FAR2: variants seen among roughly 807,000 people sequenced by gnomAD.
FAR2 encodes fatty acyl-CoA reductase 2.
In FAR2, 19 loss-of-function variants were observed where a neutral mutation model predicts 56.0. The ratio of observed to expected loss-of-function variants is 0.34; its 90% CI spans 0.24 to 0.50. FAR2 has a LOEUF of 0.50. FAR2 is among the 20% of genes least tolerant of loss of function. FAR2 has a pLI of 0.98. For missense variants in FAR2, 508 were observed against 642.2 expected (o/e 0.79, Z 2.26); for synonymous variants, 219 against 218.8 (o/e 1.00, Z -0.01).
At chr12:29,327,373 AG>A (rs1348385063) in intron 10 of FAR2, among the ~76,000 whole-genome samples, 1 of 151,982 alleles carries the variant, frequency 6.6e-6, no homozygotes, top group Admixed American at 6.6e-5. Context: ...AAGCTACCAA[AG>A]ACTTTCTTCA....
intron 1 of FAR2, among the ~76,000 whole-genome samples, chr12:29,170,902 T>C (rs927375329): frequency 6.6e-6 from 1 of 152,250 alleles, no homozygotes; most frequent in Non-Finnish European, 1.5e-5. Flanking sequence ...TCCTTGGGTT[T>C]TTGCACTGCG....
intron 4 of FAR2, among the ~76,000 whole-genome samples, chr12:29,301,242 G>A (rs763878391): frequency 6.6e-6 from 1 of 152,162 alleles, no homozygotes; most frequent in African/African-American, 2.4e-5. Flanking sequence ...AAGCCTGGCC[G>A]TTAATCAGTG....
chr12:29,161,848 T>C (rs916681226), intron 1 of FAR2, among the ~76,000 whole-genome samples: 3 of 152,176 alleles, frequency 2.0e-5, no homozygotes, highest in Admixed American at 2.0e-4. Context: ...TGAGGCATGG[T>C]AGTTTTATTT....
chr12:29,237,225 G>A (rs958412320), intron 1 of FAR2, among the ~76,000 whole-genome samples: 14 of 152,008 alleles, frequency 9.2e-5, no homozygotes, highest in Non-Finnish European at 1.5e-4. Flanking sequence ...TGTGGTCCGC[G>A]GACTTTTGGA....
intron 10 of FAR2, chr12:29,331,684 T>C (rs983800623): frequency 9.2e-5 from 14 of 152,188 alleles, no homozygotes; most frequent in African/African-American, 3.4e-4. Context: ...GATCCCTGGA[T>C]GGCTCAAGAA....
chr12:29,226,454 C>G (rs1947770022), intron 1 of FAR2, among the ~76,000 whole-genome samples: 1 of 152,102 alleles, frequency 6.6e-6, no homozygotes, highest in Admixed American at 6.5e-5. Context: ...TAATAAAGTA[C>G]CTCTAAGCAG....
intron 5 of FAR2, 128 bp downstream of exon 5, chr12:29,307,963 A>ACC: frequency 9.7e-7 from 1 of 1,028,168 alleles, no homozygotes; most frequent in South Asian, 1.7e-5. Context: ...TCGAATATGA[A>ACC]CCCATTATAC....
At chr12:29,231,258 G>A (rs777758334) in intron 1 of FAR2, among the ~76,000 whole-genome samples, 16 of 152,292 alleles carry the variant, frequency 1.1e-4, no homozygotes, top group South Asian at 2.1e-4. Context: ...GGTGGTAGAC[G>A]TGACCAGGCA....
chr12:29,261,633 T>G (rs964247141), intron 1 of FAR2, among the ~76,000 whole-genome samples: 3 of 151,900 alleles, frequency 2.0e-5, no homozygotes, highest in Non-Finnish European at 4.4e-5. Context: ...ATAATCAAAC[T>G]CCCAAAGGTC....
Position 29,264,616 on chromosome 12 carries a change from AAAATAAATAAAT to A in FAR2, c.-38-5764_-38-5753del, listed in dbSNP as rs148784734. On this transcript the variant is annotated intron_variant, in intron 1 of 11. Transcript: ENST00000536681. ...GGGCAACATAGTGGGATCCTGTCTCAAAATAAATAAATAAATAAATAAATAAATAAATAAATA... is the reference window on the plus strand; with the variant it reads ...GGGCAACATAGTGGGATCCTGTCTCAAAATAAATAAATAAATAAATAAATA... Among the ~76,000 whole-genome samples the A allele has an allele frequency of 4.8e-4, 63 of 130,140 alleles. 1 individual carries two copies. The highest frequency in any genetic ancestry group is 1.8e-3 in the South Asian group (7 of 3,786). 85.4% of individuals were successfully genotyped at this position (130,140 alleles called of 152,430 possible).
intron 2 of FAR2, among the ~76,000 whole-genome samples, chr12:29,284,253 T>C (rs1299688259): frequency 6.6e-6 from 1 of 152,206 alleles, no homozygotes; most frequent in African/African-American, 2.4e-5. Flanking sequence ...TGGTCAACCT[T>C]TTCCTGTTAA....
intron 2 of FAR2, among the ~76,000 whole-genome samples, chr12:29,286,560 C>T (rs117094301): frequency 0.024 from 3,699 of 152,288 alleles, 65 homozygotes; most frequent in Middle Eastern, 0.048. Flanking sequence ...TCTCCATCTT[C>T]CTAGCCACCC....
chr12:29,317,888 G>T (rs554418891), intron 9 of FAR2: 1 of 152,644 alleles, frequency 6.6e-6, no homozygotes, highest in Admixed American at 6.5e-5. Context: ...GGAGAAAGCC[G>T]AGTCTCAAAG....
intron 1 of FAR2, among the ~76,000 whole-genome samples, chr12:29,239,850 A>G (rs1947998703): frequency 6.6e-6 from 1 of 152,148 alleles, no homozygotes; most frequent in Admixed American, 6.6e-5. Flanking sequence ...GTTGTATTTT[A>G]TTTATTGTTG....
chr12:29,257,615 C>G (rs928420837), intron 1 of FAR2, among the ~76,000 whole-genome samples: 1 of 152,134 alleles, frequency 6.6e-6, no homozygotes, highest in Non-Finnish European at 1.5e-5. Flanking sequence ...CAGCTTCACT[C>G]CTGAAGCCAG....
chr12:29,239,938 C>T (rs1948000056), intron 1 of FAR2, among the ~76,000 whole-genome samples: 1 of 152,110 alleles, frequency 6.6e-6, no homozygotes, highest in South Asian at 2.1e-4. Context: ...CTATATTAGT[C>T]CTTTTCAGAG....
intron 2 of FAR2, among the ~76,000 whole-genome samples, chr12:29,272,456 T>C (rs962737181): frequency 6.6e-6 from 1 of 152,250 alleles, no homozygotes; most frequent in Non-Finnish European, 1.5e-5. Context: ...TACGACATTG[T>C]TGTGCTGTGT....
chr12:29,182,214 G>C (rs1949998819), intron 1 of FAR2, among the ~76,000 whole-genome samples: 1 of 152,164 alleles, frequency 6.6e-6, no homozygotes, highest in Non-Finnish European at 1.5e-5. Context: ...GTGAGCAGCA[G>C]CAAGATTTAC....
chr12:29,297,289 A>G, intron 4 of FAR2, 89 bp downstream of exon 4: 1 of 1,288,852 alleles, frequency 7.8e-7, no homozygotes. Flanking sequence ...TGAGATGATG[A>G]AGTCAAACAC....
Sources: allele counts gnomAD v4.1 joint callset (sites outside exome capture counted in the v4.1 genomes callset), GRCh38; gene constraint gnomAD v4.1.1; transcripts MANE v1.5; gene names NCBI Gene and HGNC (gene_info 2026-07-23, HGNC 2026-07-21).